SRPRB: variants seen among roughly 807,000 people sequenced by gnomAD.
SRPRB encodes SRP receptor subunit beta, also known as signal recognition particle receptor subunit beta.
Under a neutral mutation model 31.9 loss-of-function variants are expected in SRPRB, and 20 were observed. That is an observed-to-expected ratio of 0.63 (90% CI 0.44 to 0.91). SRPRB has a LOEUF of 0.91. SRPRB is among the 40% of genes least tolerant of loss of function. The pLI, the probability that SRPRB is intolerant of heterozygous loss-of-function variation, is 0.00. For synonymous variants in SRPRB, 146 were observed against 132.8 expected, an observed-to-expected ratio of 1.10 and a Z score of -0.68; for missense variants, 321 against 324.9, an observed-to-expected ratio of 0.99 and a Z score of 0.09.
intron 1 of SRPRB, chr3:133,790,700 G>A (rs987588274): frequency 2.0e-5 from 3 of 152,226 alleles, no homozygotes; most frequent in African/African-American, 7.2e-5. Flanking sequence ...GCCGGATTTG[G>A]TGTGGAGCCA....
At chr3:133,792,051 A>G (rs1016765434) in intron 1 of SRPRB, 1 of 152,254 alleles carries the variant, frequency 6.6e-6, no homozygotes, top group African/African-American at 2.4e-5. Flanking sequence ...TATGCAGGTC[A>G]GATATTAGAT....
intron 1 of SRPRB, chr3:133,796,619 A>G (rs1934978584): frequency 6.6e-6 from 1 of 152,188 alleles, no homozygotes; most frequent in South Asian, 2.1e-4. Flanking sequence ...TGTTTTCAAT[A>G]AACCTCTGCT....
chr3:133,808,549 T>A (rs375380748), intron 3 of SRPRB, among the ~76,000 whole-genome samples: 2 of 152,132 alleles, frequency 1.3e-5, no homozygotes, highest in African/African-American at 4.8e-5. Context: ...TTACAAACAG[T>A]GCTGCAATGG....
At chr3:133,823,579 T>G (rs1342940269), downstream of SRPRB, among the ~76,000 whole-genome samples, 1 of 152,156 alleles carries the variant, frequency 6.6e-6, no homozygotes, top group African/African-American at 2.4e-5. Context: ...GAAAGGTAAT[T>G]AGTGAAGTTG....
intron 1 of SRPRB, among the ~76,000 whole-genome samples, chr3:133,797,310 G>C (rs937177135): frequency 1.3e-5 from 2 of 152,214 alleles, no homozygotes; most frequent in African/African-American, 4.8e-5. Flanking sequence ...AAGCATTACA[G>C]ATGTTTATAC....
At chr3:133,811,652 G>T (rs1373007609) in intron 4 of SRPRB, among the ~76,000 whole-genome samples, 1 of 148,348 alleles carries the variant, frequency 6.7e-6, no homozygotes. Flanking sequence ...GTGTGATCTC[G>T]GCTCACTGCA....
intron 6 of SRPRB, among the ~76,000 whole-genome samples, chr3:133,818,354 C>G (rs1935402069): frequency 6.6e-6 from 1 of 152,098 alleles, no homozygotes; most frequent in Non-Finnish European, 1.5e-5. Context: ...AATACAGAAG[C>G]CAATCCTTTT....
Position 133,805,977 on chromosome 3 carries a change from G to T in SRPRB, c.129G>T (p.Ala43=). ...TDPTLLSVVV[A]VLAVLLTLVF... is the part of the protein sequence containing the mutation. ...CAACGCTGTTGTCAGTAGTGGTGGC[G>T]GTTCTTGCGGTGCTGCTGACGCTAG... Residue 43 remains alanine, a synonymous_variant, in exon 1 of 7, where the codon GCG becomes GCT. Transcript: ENST00000678299. 2.5e-6 allele frequency: 4 copies of T among 1,613,162 alleles called. No individual in the cohort carries two copies. Among genetic ancestry groups the T allele is most frequent in the Non-Finnish European group, 3.4e-6 (4 of 1,179,460 alleles).
downstream of SRPRB, chr3:133,828,071 G>A (rs892323388): frequency 5.9e-6 from 4 of 681,716 alleles, no homozygotes; most frequent in Non-Finnish European, 1.1e-5. Flanking sequence ...CCCCTTCAAG[G>A]CTTTTCAGGG....
downstream of SRPRB, among the ~76,000 whole-genome samples, chr3:133,822,400 T>C (rs541832028): frequency 6.6e-6 from 1 of 152,190 alleles, no homozygotes; most frequent in Admixed American, 6.5e-5. Flanking sequence ...ATCTCCCTAG[T>C]GGGTATGGAC....
At chr3:133,818,589 T>A (rs1473714042) in intron 6 of SRPRB, among the ~76,000 whole-genome samples, 1 of 152,010 alleles carries the variant, frequency 6.6e-6, no homozygotes, top group Non-Finnish European at 1.5e-5. Flanking sequence ...TTTACTTTTT[T>A]CCTTAAAAAA....
At chr3:133,802,429 G>T (rs1935075999), upstream of SRPRB, among the ~76,000 whole-genome samples, 1 of 152,000 alleles carries the variant, frequency 6.6e-6, no homozygotes, top group African/African-American at 2.4e-5. Flanking sequence ...AAAGTATTTA[G>T]AATGATGCTT....
chr3:133,807,341 C>T (rs890696235), intron 2 of SRPRB, among the ~76,000 whole-genome samples: 1 of 149,734 alleles, frequency 6.7e-6, no homozygotes, highest in East Asian at 2.0e-4. Flanking sequence ...GCAGCCTTGA[C>T]CTCTGGGACT....
downstream of SRPRB, among the ~76,000 whole-genome samples, chr3:133,823,298 G>A (rs1164892087): frequency 6.9e-6 from 1 of 144,990 alleles, no homozygotes; most frequent in Admixed American, 7.3e-5. Flanking sequence ...TCACTCTGTC[G>A]CCCAGGCTGG....
At chr3:133,826,895 A>G (rs1312489337), downstream of SRPRB, 1 of 152,718 alleles carries the variant, frequency 6.5e-6, no homozygotes, top group Non-Finnish European at 1.5e-5. Context: ...TATCTCCGTG[A>G]GGATGTGTTT....
chr3:133,819,140 C>T (rs1409610540), intron 6 of SRPRB, among the ~76,000 whole-genome samples: 1 of 152,056 alleles, frequency 6.6e-6, no homozygotes, highest in African/African-American at 2.4e-5. Flanking sequence ...ACTCCATATC[C>T]AAATAGACTC....
chr3:133,814,339 G>T (rs1227594444), intron 4 of SRPRB, among the ~76,000 whole-genome samples: 3 of 152,134 alleles, frequency 2.0e-5, no homozygotes, highest in Non-Finnish European at 2.9e-5. Flanking sequence ...CGCCGTGTTA[G>T]CCAGGATGGT....
intron 5 of SRPRB, among the ~76,000 whole-genome samples, chr3:133,816,094 C>T (rs1249672381): frequency 6.6e-6 from 1 of 152,192 alleles, no homozygotes; most frequent in Admixed American, 6.5e-5. Context: ...CTGTACAGCA[C>T]ATTTTATCAA....
Position 133,805,959 on chromosome 3 carries a change from G to T in SRPRB, c.111G>T (p.Leu37=), listed in dbSNP as rs1380027765. ...RQELQQTDPT[L]LSVVVAVLAV... is the part of the protein sequence containing the mutation. The stretch of plus-strand genomic sequence containing the variant: ...AGCTGCAGCAGACGGACCCAACGCT[G>T]TTGTCAGTAGTGGTGGCGGTTCTTG... Residue 37 remains leucine (L), a synonymous_variant, in exon 1 of 7, where the codon CTG becomes CTT. Coordinates refer to ENST00000678299, the MANE Select transcript of SRPRB (RefSeq NM_001379313.1). 7 of 1,613,690 alleles carry T rather than the reference G, an allele frequency of 4.3e-6. No individual in the cohort carries two copies. Among genetic ancestry groups the T allele is most frequent in the Middle Eastern group, 1.7e-4 (1 of 6,060 alleles).
Sources: gnomAD v4.1 joint callset for allele counts (sites outside exome capture counted in the v4.1 genomes callset) on GRCh38, gnomAD v4.1.1 for gene constraint, MANE v1.5 for transcripts, NCBI Gene and HGNC (gene_info 2026-07-23, HGNC 2026-07-21) for gene names.